The following DNAH11 variants were observed in gnomAD, a reference collection of about 807,000 sequenced individuals.
The protein encoded by DNAH11 is axonemal beta dynein heavy chain 11.
DNAH11 carries 442 observed loss-of-function variants against 526.0 expected under a neutral mutation model. The ratio of observed to expected loss-of-function variants is 0.84; its 90% CI spans 0.78 to 0.91. The LOEUF (loss-of-function observed/expected upper bound fraction) is 0.91. Among genes scored for constraint, DNAH11 ranks in the 40% least tolerant of loss-of-function variants. The pLI, the probability that DNAH11 is intolerant of heterozygous loss-of-function variation, is 0.00. For synonymous variants in DNAH11, 2,461 were observed against 1,935.9 expected (o/e 1.27, Z -7.12); for missense variants, 6,989 against 5,448.7 (o/e 1.28, Z -8.90).
At chr7:21,641,061 G>C (rs556534722) in intron 28 of DNAH11, among the ~76,000 whole-genome samples, 5 of 152,304 alleles carry the variant, frequency 3.3e-5, no homozygotes, top group Admixed American at 2.0e-4. Context: ...GTATATGCCA[G>C]AGCCACCCCC....
At chr7:21,626,213 A>G (rs1210098045) in intron 25 of DNAH11, among the ~76,000 whole-genome samples, 1 of 152,118 alleles carries the variant, frequency 6.6e-6, no homozygotes, top group Non-Finnish European at 1.5e-5. Context: ...AATACGTGAT[A>G]TTTGTCTTTC....
intron 25 of DNAH11, among the ~76,000 whole-genome samples, chr7:21,623,746 A>G (rs1786193604): frequency 6.7e-6 from 1 of 150,120 alleles, no homozygotes; most frequent in African/African-American, 2.4e-5. Flanking sequence ...GTTCTCACAC[A>G]TAGGTGGGAA....
Position 21,885,922 on chromosome 7 carries a change from T to C in DNAH11, c.12507+1512T>C, listed in dbSNP as rs556463055. 5.8e-4 allele frequency among the ~76,000 whole-genome samples: 89 copies of C among 152,316 alleles called. 1 individual carries two copies. Among genetic ancestry groups the C allele is most frequent in the African/African-American group, 2.0e-3 (84 of 41,574 alleles). On this transcript the variant is annotated intron_variant, in intron 76 of 81. Coordinates refer to ENST00000409508, the MANE Select transcript of DNAH11 (RefSeq NM_001277115.2). ...GGTTCCAGCCCGGGGCTGTGTTTTC[T>C]GGAAAAAGTACTCCATTTTTGTTTC...
Position 21,720,996 on chromosome 7 carries a change from C to T in DNAH11, c.7266+140C>T, listed in dbSNP as rs375506940. 149 of 1,110,268 alleles carry T rather than the reference C, an allele frequency of 1.3e-4. 1 individual carries two copies. In the South Asian group the frequency reaches 2.5e-3, roughly 19 times the overall value. The allele number at this position is 1,110,268 out of a possible 1,614,324, so 68.8% of individuals were successfully genotyped here. On this transcript the variant is annotated intron_variant, in intron 44 of 81. Transcript: ENST00000409508. ...TGCCCTGTTCTCTCCTAAGTCTATG[C>T]ATTCTCTGGGTAGTCCCATCCCTGA...
intron 45 of DNAH11, among the ~76,000 whole-genome samples, chr7:21,733,447 CT>C (rs1163956959): frequency 1.3e-5 from 2 of 152,168 alleles, no homozygotes; most frequent in Non-Finnish European, 2.9e-5. Context: ...GCTCCCTCCA[CT>C]TTATGTATTT....
At chr7:21,791,155 G>T (rs967175607) in intron 61 of DNAH11, among the ~76,000 whole-genome samples, 6 of 152,182 alleles carry the variant, frequency 3.9e-5, no homozygotes, top group African/African-American at 1.4e-4. Flanking sequence ...AGGGCAGCCA[G>T]CAGAGTGATG....
intron 75 of DNAH11, 101 bp downstream of exon 75, chr7:21,880,994 A>AATAATAGC: frequency 9.3e-7 from 1 of 1,079,454 alleles, no homozygotes; most frequent in Non-Finnish European, 1.3e-6. Flanking sequence ...TGAAGCTATT[A>AATAATAGC]TTGAAATAGC....
intron 66 of DNAH11, among the ~76,000 whole-genome samples, chr7:21,844,173 T>C (rs185624989): frequency 2.0e-5 from 3 of 152,282 alleles, no homozygotes; most frequent in East Asian, 1.9e-4. Context: ...ACCAACACTT[T>C]GGAAAGCTGA....
chr7:21,900,247 A>C, intron 81 of DNAH11, 127 bp downstream of exon 81: 106 of 1,055,616 alleles, frequency 1.0e-4, no homozygotes, highest in Middle Eastern at 3.2e-4. Flanking sequence ...TCATTATCTC[A>C]TTTCTTCCTC....
intron 6 of DNAH11, among the ~76,000 whole-genome samples, chr7:21,567,114 G>T: frequency 6.6e-6 from 1 of 152,040 alleles, no homozygotes; most frequent in Non-Finnish European, 1.5e-5. Flanking sequence ...TTTCTAAAAG[G>T]TTATATCAAT....
chr7:21,601,555 A>C lies in DNAH11; in HGVS notation c.3585A>C (p.Glu1195Asp). ...ATGAACTCTTTGAACCTCTAAAAGA[A>C]ACGATCACCCTCTTGGAAAGCTATG... ...ATDELFEPLK[E>D]TITLLESYGQ... The change falls in exon 18 of 82, where the codon GAA (glutamate) becomes GAC (aspartate). Residue 1195 changes from glutamate (E) to aspartate (D), a missense_variant. Transcript: ENST00000409508. 1 of 1,611,878 alleles carries C rather than the reference A, an allele frequency of 6.2e-7. No homozygotes were observed. The highest frequency in any genetic ancestry group is 1.1e-5 in the South Asian group (1 of 90,860).
chr7:21,653,109 C>T (rs145285519), intron 28 of DNAH11, among the ~76,000 whole-genome samples: 174 of 152,282 alleles, frequency 1.1e-3, no homozygotes, highest in African/African-American at 4.0e-3. Context: ...CTCCTGACCT[C>T]AGGTGATCCA....
Position 21,725,892 on chromosome 7 carries a change from T to C in DNAH11, c.7348T>C (p.Phe2450Leu). 1 of 1,603,682 alleles carries C rather than the reference T, an allele frequency of 6.2e-7. No individual in the cohort carries two copies. The highest frequency in any genetic ancestry group is 8.5e-7 in the Non-Finnish European group (1 of 1,174,704). Residue 2450 changes from phenylalanine (F) to leucine (L), a missense_variant, in exon 45 of 82, where the codon TTT (phenylalanine) becomes CTT (leucine). Coordinates refer to ENST00000409508, the MANE Select transcript of DNAH11 (RefSeq NM_001277115.2). ...GAAATTTCCGTCGCAGGGAACAATCTTTGATTATTATGTGGACCACAAAAC... is the reference window on the plus strand; with the variant it reads ...GAAATTTCCGTCGCAGGGAACAATCCTTGATTATTATGTGGACCACAAAAC... ...AVKFPSQGTI[F>L]DYYVDHKTKK... is the part of the protein sequence containing the mutation.
At chr7:21,827,427 A>G (rs1458251076) in intron 65 of DNAH11, among the ~76,000 whole-genome samples, 4 of 151,642 alleles carry the variant, frequency 2.6e-5, no homozygotes, top group Non-Finnish European at 5.9e-5. Flanking sequence ...GAATTTTTTA[A>G]AATATTATTT....
chr7:21,771,384 C>G (rs550960799), intron 55 of DNAH11, among the ~76,000 whole-genome samples: 1 of 152,306 alleles, frequency 6.6e-6, no homozygotes, highest in Admixed American at 6.5e-5. Context: ...ATACTGGGCA[C>G]TTGCTTGAAG....
At chr7:21,781,743 G>A (rs1787949198) in intron 57 of DNAH11, among the ~76,000 whole-genome samples, 1 of 152,140 alleles carries the variant, frequency 6.6e-6, no homozygotes, top group Non-Finnish European at 1.5e-5. Flanking sequence ...TGCTAAGGCT[G>A]CCATGACAAA....
intron 73 of DNAH11, among the ~76,000 whole-genome samples, chr7:21,870,473 A>C (rs998615893): frequency 3.9e-5 from 6 of 152,244 alleles, no homozygotes; most frequent in African/African-American, 1.2e-4. Flanking sequence ...TCTGAGGCTC[A>C]GAAACACAGG....
chr7:21,881,613 C>A (rs375681283), intron 75 of DNAH11, among the ~76,000 whole-genome samples: 1 of 152,152 alleles, frequency 6.6e-6, no homozygotes, highest in African/African-American at 2.4e-5. Context: ...AAGTTAAATC[C>A]GTTAAGACTA....
intron 55 of DNAH11, among the ~76,000 whole-genome samples, chr7:21,768,035 G>T (rs1004010006): frequency 5.9e-5 from 9 of 152,172 alleles, no homozygotes; most frequent in Non-Finnish European, 7.3e-5. Context: ...CGGGTTGACT[G>T]CATCTAAATT....
Sources: gnomAD v4.1 joint callset for allele counts (sites outside exome capture counted in the v4.1 genomes callset) on GRCh38, gnomAD v4.1.1 for gene constraint, MANE v1.5 for transcripts, NCBI Gene and HGNC (gene_info 2026-07-23, HGNC 2026-07-21) for gene names.